The following STAG1 variants were observed in gnomAD, a reference collection of about 807,000 sequenced individuals.
STAG1 encodes STAG1 cohesin complex component.
In STAG1, 26 loss-of-function variants were observed where a neutral mutation model predicts 170.9. The ratio of observed to expected loss-of-function variants is 0.15; its 90% CI spans 0.11 to 0.21. The LOEUF (loss-of-function observed/expected upper bound fraction) is 0.21, where lower values mean the gene tolerates loss of function less well. Among genes scored for constraint, STAG1 ranks in the 10% least tolerant of loss-of-function variants. STAG1 has a pLI of 1.00. For synonymous variants in STAG1, 514 were observed against 497.7 expected, an observed-to-expected ratio of 1.03 and a Z score of -0.44; for missense variants, 964 against 1,509.5, an observed-to-expected ratio of 0.64 and a Z score of 5.99.
At chr3:136,454,442 G>C (rs2089046134) in intron 13 of STAG1, among the ~76,000 whole-genome samples, 1 of 151,732 alleles carries the variant, frequency 6.6e-6, no homozygotes, top group East Asian at 1.9e-4. Flanking sequence ...GCAATGGCAT[G>C]ATCTCTGCTT....
At chr3:136,498,695 A>T (rs1237728832) in intron 9 of STAG1, among the ~76,000 whole-genome samples, 2 of 140,946 alleles carry the variant, frequency 1.4e-5, no homozygotes, top group Non-Finnish European at 3.1e-5. Context: ...AAGTTGCAGT[A>T]AAAAAAAAAA....
At chr3:136,674,720 T>C (rs866054454) in intron 1 of STAG1, among the ~76,000 whole-genome samples, 15 of 152,232 alleles carry the variant, frequency 9.9e-5, no homozygotes, top group South Asian at 8.3e-4. Context: ...TGTATACTTA[T>C]GTCAAAACTT....
At chr3:136,748,693 T>C (rs963868143) in intron 1 of STAG1, among the ~76,000 whole-genome samples, 6 of 152,214 alleles carry the variant, frequency 3.9e-5, no homozygotes, top group African/African-American at 1.4e-4. Flanking sequence ...TCAGCCACTG[T>C]ACCAGGCCAA....
intron 4 of STAG1, among the ~76,000 whole-genome samples, chr3:136,593,875 A>T (rs1397646698): frequency 1.3e-5 from 2 of 152,142 alleles, no homozygotes; most frequent in African/African-American, 4.8e-5. Context: ...CCTTAACTTC[A>T]TTACAGTATT....
chr3:136,407,270 C>T (rs754466611), intron 21 of STAG1, among the ~76,000 whole-genome samples: 1 of 152,178 alleles, frequency 6.6e-6, no homozygotes, highest in Non-Finnish European at 1.5e-5. Flanking sequence ...AGGTGATCAC[C>T]TGCCTCGGCC....
intron 1 of STAG1, among the ~76,000 whole-genome samples, chr3:136,642,865 G>A (rs1351072769): frequency 6.6e-6 from 1 of 152,136 alleles, no homozygotes; most frequent in African/African-American, 2.4e-5. Context: ...CCAGCTTCTG[G>A]TAACCCCAGA....
In STAG1 at chr3:136,610,372, T is replaced by C. The variant is rs142064483; in HGVS notation, c.133-5899A>G. Among the ~76,000 whole-genome samples, 17 of 152,224 alleles carry C rather than the reference T, an allele frequency of 1.1e-4. 1 individual carries two copies. In the East Asian group the frequency reaches 3.3e-3, roughly 29 times the overall value. ...TTCTAAAAACCAACAAACAAACAAATAAAAACTCCTTGATCATGGCTCTCC... is the reference window on the plus strand; with the variant it reads ...TTCTAAAAACCAACAAACAAACAAACAAAAACTCCTTGATCATGGCTCTCC... On this transcript the variant is annotated intron_variant, in intron 3 of 33. Transcript: ENST00000383202.
At chr3:136,655,372 G>A (rs1337704921) in intron 1 of STAG1, among the ~76,000 whole-genome samples, 6 of 152,202 alleles carry the variant, frequency 3.9e-5, no homozygotes, top group South Asian at 2.1e-4. Context: ...CAGTAAGCAC[G>A]TGAAAAGATG....
chr3:136,375,552 G>T (rs976877554), intron 23 of STAG1, among the ~76,000 whole-genome samples: 2 of 152,146 alleles, frequency 1.3e-5, no homozygotes, highest in African/African-American at 2.4e-5. Context: ...CAGGTATTTA[G>T]AAAGAGCCAT....
In STAG1 at chr3:136,528,821, T is replaced by C. The variant is rs1490427440; in HGVS notation, c.472-7404A>G. On this transcript the variant is annotated intron_variant, in intron 6 of 33. Coordinates refer to ENST00000383202, the MANE Select transcript of STAG1 (RefSeq NM_005862.3). ...GGTATGTGCCTGTATTCCCAGCTAT[T>C]TGGGAGGCTGAAGTGGGAGAATCAC... is the stretch of plus-strand genomic sequence containing the variant. Among the ~76,000 whole-genome samples, 7 of 151,866 alleles carry C rather than the reference T, an allele frequency of 4.6e-5. 1 individual carries two copies. The Middle Eastern group carries it at 0.017, about 371-fold the overall frequency.
chr3:136,462,864 A>G (rs1004641515), intron 13 of STAG1, among the ~76,000 whole-genome samples: 12 of 152,210 alleles, frequency 7.9e-5, no homozygotes, highest in Admixed American at 3.9e-4. Flanking sequence ...CAGACATAAA[A>G]TAAGTATATT....
chr3:136,504,715 G>T lies in STAG1; in HGVS notation c.677-1936C>A, dbSNP rs146686387. 4.3e-3 allele frequency among the ~76,000 whole-genome samples: 656 copies of T among 152,236 alleles called. 6 individuals are homozygous for T. Among genetic ancestry groups the T allele is most frequent in the Non-Finnish European group, 7.3e-3 (494 of 68,018 alleles). ...TAACGCAAAATGACTTGAATATCCAGGAGCTGAAAAGCATTAAAATTAACA... is the reference window on the plus strand; with the variant it reads ...TAACGCAAAATGACTTGAATATCCATGAGCTGAAAAGCATTAAAATTAACA... On this transcript the variant is annotated intron_variant, in intron 7 of 33. Coordinates refer to ENST00000383202, the MANE Select transcript of STAG1 (RefSeq NM_005862.3).
At chr3:136,442,526 A>G (rs1485194119) in intron 15 of STAG1, among the ~76,000 whole-genome samples, 1 of 152,088 alleles carries the variant, frequency 6.6e-6, no homozygotes, top group Non-Finnish European at 1.5e-5. Flanking sequence ...ATGTCCCCCT[A>G]TTTCTTGAGT....
intron 1 of STAG1, among the ~76,000 whole-genome samples, chr3:136,714,869 A>C (rs1943476640): frequency 6.9e-6 from 1 of 144,842 alleles, no homozygotes; most frequent in Admixed American, 7.0e-5. Context: ...TGATTATGCC[A>C]CTGCACTCCA....
chr3:136,398,323 G>C (rs1229716962), intron 22 of STAG1, among the ~76,000 whole-genome samples: 1 of 152,006 alleles, frequency 6.6e-6, no homozygotes, highest in Non-Finnish European at 1.5e-5. Context: ...TCACCATATT[G>C]GCCAGGCTGG....
chr3:136,713,427 G>T (rs1291686916), intron 1 of STAG1, among the ~76,000 whole-genome samples: 2 of 151,554 alleles, frequency 1.3e-5, no homozygotes, highest in African/African-American at 4.9e-5. Context: ...TACTAAAAAT[G>T]CAACAATTAG....
chr3:136,398,918 AGTT>A, intron 21 of STAG1, 89 bp from the exon 22 acceptor site: 1 of 696,904 alleles, frequency 1.4e-6, no homozygotes, highest in Non-Finnish European at 2.2e-6. Context: ...TATTTATCAC[AGTT>A]GTTATTTTAT....
chr3:136,679,728 TAAAAAAAAAAAA>T (rs61069088), intron 1 of STAG1, among the ~76,000 whole-genome samples: 7 of 117,698 alleles, frequency 5.9e-5, no homozygotes, highest in South Asian at 2.9e-4. Flanking sequence ...GACTCCGTCT[TAAAAAAAAAAAA>T]AAAAAAAAAA....
rs567984135 is a variant in STAG1, at chr3:136,563,402, G to A, written c.394+5363C>T. 5.9e-5 allele frequency among the ~76,000 whole-genome samples: 9 copies of A among 151,630 alleles called. No individual in the cohort carries two copies. In the South Asian group the frequency reaches 1.7e-3, roughly 28 times the overall value. ...ATCTTTGTTGATTTTGTTTTCTTGGGGATTTGAAATATTAAGATAGCTCCA... is the reference window on the plus strand; with the variant it reads ...ATCTTTGTTGATTTTGTTTTCTTGGAGATTTGAAATATTAAGATAGCTCCA... On this transcript the variant is annotated intron_variant, in intron 5 of 33. Coordinates refer to ENST00000383202, the MANE Select transcript of STAG1 (RefSeq NM_005862.3).
Sources: gnomAD v4.1 joint callset for allele counts (sites outside exome capture counted in the v4.1 genomes callset) on GRCh38, gnomAD v4.1.1 for gene constraint, MANE v1.5 for transcripts, NCBI Gene and HGNC (gene_info 2026-07-23, HGNC 2026-07-21) for gene names.